Variants in JMY observed in about 807,000 individuals in gnomAD.
JMY encodes junction mediating and regulatory protein, p53 cofactor.
JMY carries 46 observed loss-of-function variants against 103.3 expected under a neutral mutation model. That is an observed-to-expected ratio of 0.45 (90% CI 0.35 to 0.57). The LOEUF (loss-of-function observed/expected upper bound fraction) is 0.57. JMY is among the 20% of genes least tolerant of loss of function. JMY has a pLI of 0.00. For synonymous variants in JMY, 526 were observed against 489.3 expected, an observed-to-expected ratio of 1.07 and a Z score of -0.99; for missense variants, 1,238 against 1,255.2, an observed-to-expected ratio of 0.99 and a Z score of 0.21.
chr5:79,308,974 A>G (rs1274504665), intron 7 of JMY, among the ~76,000 whole-genome samples: 1 of 152,156 alleles, frequency 6.6e-6, no homozygotes, highest in East Asian at 1.9e-4. Flanking sequence ...AAATAGTATT[A>G]TGTTTTTAAT....
intron 1 of JMY, among the ~76,000 whole-genome samples, chr5:79,270,656 A>G (rs1022467296): frequency 4.1e-5 from 6 of 146,292 alleles, no homozygotes; most frequent in Admixed American, 6.9e-5. Context: ...TATAAAATAT[A>G]TATTTACATA....
At chr5:79,310,892 G>C (rs1308634312) in intron 7 of JMY, among the ~76,000 whole-genome samples, 1 of 152,092 alleles carries the variant, frequency 6.6e-6, no homozygotes, top group Non-Finnish European at 1.5e-5. Context: ...TGTAATCCTA[G>C]CCTTTGGGAG....
chr5:79,268,480 T>A (rs920922153), intron 1 of JMY, among the ~76,000 whole-genome samples: 2 of 148,966 alleles, frequency 1.3e-5, no homozygotes, highest in African/African-American at 5.2e-5. Flanking sequence ...TTATTTATTT[T>A]TTATTTATTT....
intron 1 of JMY, among the ~76,000 whole-genome samples, chr5:79,273,312 T>G (rs1745839567): frequency 6.6e-6 from 1 of 152,216 alleles, no homozygotes; most frequent in Non-Finnish European, 1.5e-5. Flanking sequence ...AATGGAATTC[T>G]GGGTTGACAG....
intron 8 of JMY, 108 bp downstream of exon 8, chr5:79,312,606 A>T: frequency 3.9e-6 from 2 of 514,014 alleles, no homozygotes. Context: ...GTTTTCCCTT[A>T]TTTATAAACT....
At position 79,323,207 on chromosome 5, in the gene JMY, C is replaced by T. The variant is rs1456913474; in HGVS notation, c.*1605C>T. 1.3e-5 allele frequency: 2 copies of T among 152,282 alleles called. No homozygotes were observed. Among genetic ancestry groups the T allele is most frequent in the Non-Finnish European group, 2.9e-5 (2 of 68,066 alleles). 9.4% of individuals were successfully genotyped at this position (152,282 alleles called of 1,614,324 possible). A position where few individuals can be genotyped will look rare whatever the true frequency, so the allele number is the denominator to read the frequency against. On this transcript the variant is annotated 3_prime_UTR_variant, in exon 11 of 11. Coordinates refer to ENST00000396137, the MANE Select transcript of JMY (RefSeq NM_152405.5). ...ACTCAAGCAATCTGCCAGCCTCGGC[C>T]TGCTAAAGTGCTAGGATTATAGGCG...
chr5:79,261,922 A>C (rs1039679047), intron 1 of JMY, among the ~76,000 whole-genome samples: 2 of 152,132 alleles, frequency 1.3e-5, no homozygotes, highest in African/African-American at 4.8e-5. Context: ...ACCATGCCCA[A>C]CCTCTGCTTC....
chr5:79,313,619 CT>C (rs763562112), intron 8 of JMY, among the ~76,000 whole-genome samples: 1 of 152,074 alleles, frequency 6.6e-6, no homozygotes, highest in African/African-American at 2.4e-5. Flanking sequence ...ACATAGGAAA[CT>C]TTTTGCATAC....
Position 79,257,647 on chromosome 5 carries a change from C to T in JMY, c.1032+19965C>T, listed in dbSNP as rs1745288441. Among the ~76,000 whole-genome samples the T allele has an allele frequency of 1.3e-5, 2 of 152,206 alleles. 1 individual carries two copies. The highest frequency in any genetic ancestry group is 4.8e-5 in the African/African-American group (2 of 41,460). ...GAAATTGTGTTAGAAATTCAGAAATCAAAGAGGCTTTATGTTGACAGCTGA... is the reference window on the plus strand; with the variant it reads ...GAAATTGTGTTAGAAATTCAGAAATTAAAGAGGCTTTATGTTGACAGCTGA... On this transcript the variant is annotated intron_variant, in intron 1 of 10. Coordinates refer to ENST00000396137, the MANE Select transcript of JMY (RefSeq NM_152405.5).
chr5:79,240,548 A>T (rs1382483701), intron 1 of JMY, among the ~76,000 whole-genome samples: 1 of 152,162 alleles, frequency 6.6e-6, no homozygotes, highest in Non-Finnish European at 1.5e-5. Context: ...ACCTCAGGTG[A>T]TCTAACTGCC....
At chr5:79,270,649 A>T (rs1050149116) in intron 1 of JMY, among the ~76,000 whole-genome samples, 2 of 143,850 alleles carry the variant, frequency 1.4e-5, no homozygotes, top group African/African-American at 5.2e-5. Flanking sequence ...ATATTTATAT[A>T]AAATATATAT....
chr5:79,291,132 GTGTA>G lies in JMY; in HGVS notation c.1363_1366del (p.Tyr455IlefsTer36). ...TCTCTTTAAAAAATTATTAATAGCTGTGTATGATCGAATGCGAGCTGATCAGAAG... is the reference window on the plus strand; with the variant it reads ...TCTCTTTAAAAAATTATTAATAGCTGTGATCGAATGCGAGCTGATCAGAAG... On this transcript the variant is annotated frameshift_variant, in exon 4 of 11. Coordinates refer to ENST00000396137, the MANE Select transcript of JMY (RefSeq NM_152405.5). LOFTEE classifies it high-confidence loss of function. 1 of 1,589,130 alleles carries G rather than the reference GTGTA, an allele frequency of 6.3e-7. No homozygotes were observed. The highest frequency in any genetic ancestry group is 8.5e-7 in the Non-Finnish European group (1 of 1,171,266).
At chr5:79,260,571 T>G (rs111819035) in intron 1 of JMY, among the ~76,000 whole-genome samples, 1 of 151,520 alleles carries the variant, frequency 6.6e-6, no homozygotes, top group African/African-American at 2.4e-5. Context: ...TTTTTTTTTT[T>G]GTAGAGACGG....
chr5:79,305,463 T>G, intron 6 of JMY, among the ~76,000 whole-genome samples: 1 of 150,800 alleles, frequency 6.6e-6, no homozygotes, highest in African/African-American at 2.4e-5. Context: ...AAAAAAAAAG[T>G]GATCATTTTA....
intron 4 of JMY, among the ~76,000 whole-genome samples, chr5:79,295,477 G>T (rs1187537748): frequency 1.3e-5 from 2 of 152,172 alleles, no homozygotes; most frequent in African/African-American, 2.4e-5. Context: ...ATTTGCTATA[G>T]CACTTGACAT....
intron 2 of JMY, among the ~76,000 whole-genome samples, chr5:79,288,450 C>G (rs1455898245): frequency 3.9e-5 from 6 of 152,192 alleles, no homozygotes; most frequent in Non-Finnish European, 7.3e-5. Context: ...ACAAATGATA[C>G]TCTTTCCCCA....
At chr5:79,271,806 C>T (rs1029940233) in intron 1 of JMY, among the ~76,000 whole-genome samples, 8 of 152,010 alleles carry the variant, frequency 5.3e-5, no homozygotes, top group South Asian at 4.1e-4. Flanking sequence ...TTGACTCTTT[C>T]GTGTTTATAA....
chr5:79,270,688 A>T (rs1487706214), intron 1 of JMY, among the ~76,000 whole-genome samples: 2 of 142,134 alleles, frequency 1.4e-5, no homozygotes, highest in Non-Finnish European at 3.0e-5. Context: ...TATTTATATT[A>T]ATATATTTAT....
intron 10 of JMY, among the ~76,000 whole-genome samples, chr5:79,318,382 A>G (rs1239700637): frequency 6.6e-6 from 1 of 152,182 alleles, no homozygotes; most frequent in Non-Finnish European, 1.5e-5. Flanking sequence ...AAGACATAAT[A>G]TAAAAATGTA....
Sources: gnomAD v4.1 joint callset for allele counts (sites outside exome capture counted in the v4.1 genomes callset) on GRCh38, gnomAD v4.1.1 for gene constraint, MANE v1.5 for transcripts, NCBI Gene and HGNC (gene_info 2026-07-23, HGNC 2026-07-21) for gene names.